The following GPATCH2 variants were observed in gnomAD, a reference collection of about 807,000 sequenced individuals.
GPATCH2 encodes the protein G patch domain-containing protein 2.
GPATCH2 carries 51 observed loss-of-function variants against 58.0 expected under a neutral mutation model. The ratio of observed to expected loss-of-function variants is 0.88; its 90% CI spans 0.70 to 1.11. The LOEUF is 1.11. Among genes scored for constraint, GPATCH2 ranks in the 50% most tolerant of loss-of-function variants. The probability of loss-of-function intolerance (pLI) is 0.00; values close to 1 mark genes in which losing one functional copy is unlikely to be tolerated. For missense variants in GPATCH2, 625 were observed against 652.2 expected (o/e 0.96, Z 0.45); for synonymous variants, 222 against 218.5 (o/e 1.02, Z -0.14).
chr1:217,615,763 G>T (rs1668856349), intron 2 of GPATCH2, among the ~76,000 whole-genome samples: 1 of 152,124 alleles, frequency 6.6e-6, no homozygotes, highest in South Asian at 2.1e-4. Flanking sequence ...TTAAATGAAT[G>T]AATATCCACA....
intron 8 of GPATCH2, among the ~76,000 whole-genome samples, chr1:217,475,154 G>A (rs1034177709): frequency 1.3e-5 from 2 of 152,106 alleles, no homozygotes; most frequent in Non-Finnish European, 2.9e-5. Flanking sequence ...AGAAACAAGA[G>A]AAGGCTCGGC....
intron 8 of GPATCH2, among the ~76,000 whole-genome samples, chr1:217,478,187 C>T (rs895280462): frequency 2.6e-5 from 4 of 152,088 alleles, no homozygotes; most frequent in Non-Finnish European, 5.9e-5. Context: ...AAGATGGGTA[C>T]AAATGAGCCC....
At chr1:217,573,474 T>C (rs1326081375) in intron 5 of GPATCH2, among the ~76,000 whole-genome samples, 2 of 152,230 alleles carry the variant, frequency 1.3e-5, no homozygotes, top group Non-Finnish European at 2.9e-5. Context: ...TTAAGTTGAA[T>C]GTCATCCCCT....
At chr1:217,497,326 A>G (rs1662060372) in intron 7 of GPATCH2, among the ~76,000 whole-genome samples, 1 of 152,208 alleles carries the variant, frequency 6.6e-6, no homozygotes, top group African/African-American at 2.4e-5. Context: ...TTCTGAATTC[A>G]TAGAAATAGT....
intron 8 of GPATCH2, among the ~76,000 whole-genome samples, chr1:217,489,601 G>C (rs1041285635): frequency 4.6e-5 from 7 of 152,198 alleles, no homozygotes; most frequent in African/African-American, 1.7e-4. Context: ...AGTGGCTCAT[G>C]CCTGTAATCC....
rs542217302 is a variant in GPATCH2, at chr1:217,619,847, G to C, written c.709C>G (p.Gln237Glu). Residue 237 changes from glutamine to glutamate, a missense_variant, in exon 2 of 10, where the codon CAG becomes GAG. Transcript: ENST00000366935. ...CATTCCATTTTGTCCTTATTGGTCTGGTTCGTTTCCTCACTTTCTAAAACT... is the reference window on the plus strand; with the variant it reads ...CATTCCATTTTGTCCTTATTGGTCTCGTTCGTTTCCTCACTTTCTAAAACT... Reference protein sequence around the residue: ...GVVLESEETNQTNKDKMECEE... With the variant: ...GVVLESEETNETNKDKMECEE... The C allele has an allele frequency of 1.1e-5, 17 of 1,613,302 alleles. No individual in the cohort carries two copies. Among genetic ancestry groups the C allele is most frequent in the Non-Finnish European group, 1.3e-5 (15 of 1,179,664 alleles).
At chr1:217,548,240 C>T (rs1196477299) in intron 5 of GPATCH2, among the ~76,000 whole-genome samples, 1 of 151,958 alleles carries the variant, frequency 6.6e-6, no homozygotes, top group Non-Finnish European at 1.5e-5. Flanking sequence ...AGAGGAAAAA[C>T]AGACACTGGG....
intron 8 of GPATCH2, among the ~76,000 whole-genome samples, chr1:217,465,984 T>G (rs1196549476): frequency 2.0e-5 from 3 of 152,162 alleles, no homozygotes; most frequent in African/African-American, 4.8e-5. Flanking sequence ...AAGCAACGTT[T>G]TATACAGGCA....
At chr1:217,516,914 A>G (rs920557874) in intron 5 of GPATCH2, among the ~76,000 whole-genome samples, 13 of 152,240 alleles carry the variant, frequency 8.5e-5, no homozygotes, top group African/African-American at 2.9e-4. Context: ...CTGGCTTGAA[A>G]TACATAATCT....
intron 8 of GPATCH2, among the ~76,000 whole-genome samples, chr1:217,468,066 G>T (rs1340586035): frequency 6.6e-6 from 1 of 151,960 alleles, no homozygotes; most frequent in Non-Finnish European, 1.5e-5. Flanking sequence ...TTGAAAACTG[G>T]CATATAATAA....
At chr1:217,482,501 A>C (rs1661257711) in intron 8 of GPATCH2, among the ~76,000 whole-genome samples, 1 of 152,070 alleles carries the variant, frequency 6.6e-6, no homozygotes, top group African/African-American at 2.4e-5. Flanking sequence ...CTGAGATGTG[A>C]GTGTGGATGG....
intron 8 of GPATCH2, among the ~76,000 whole-genome samples, chr1:217,468,515 CCACACA>C (rs10524566): frequency 0.31 from 44,132 of 142,068 alleles, 7,043 homozygotes; most frequent in Admixed American, 0.39. Context: ...GCACACACAA[CCACACA>C]CACACACACA....
At chr1:217,484,634 C>T (rs577872388) in intron 8 of GPATCH2, among the ~76,000 whole-genome samples, 17 of 148,266 alleles carry the variant, frequency 1.1e-4, no homozygotes, top group Non-Finnish European at 2.1e-4. Context: ...CATATGCACA[C>T]GTGTATACAT....
At chr1:217,593,216 A>T (rs1320916556) in intron 5 of GPATCH2, among the ~76,000 whole-genome samples, 1 of 152,006 alleles carries the variant, frequency 6.6e-6, no homozygotes, top group Non-Finnish European at 1.5e-5. Context: ...AAAACATTAG[A>T]CCATAGCAGA....
chr1:217,630,997 G>C lies in GPATCH2; in HGVS notation c.-26C>G, dbSNP rs759681738. Reference sequence around the variant, plus strand: ...TAACGACACCCGGGAGCCTGGCCTCGAAGCTCAGGCCCGTGAACAGACTCC... The same window carrying C: ...TAACGACACCCGGGAGCCTGGCCTCCAAGCTCAGGCCCGTGAACAGACTCC... On this transcript the variant is annotated 5_prime_UTR_variant, in exon 1 of 10. Coordinates refer to ENST00000366935, the MANE Select transcript of GPATCH2 (RefSeq NM_018040.5). 1 of 1,573,822 alleles carries C rather than the reference G, an allele frequency of 6.4e-7. No homozygotes were observed. Among genetic ancestry groups the C allele is most frequent in the East Asian group, 2.3e-5 (1 of 43,472 alleles).
chr1:217,432,587 A>C (rs1273383720), intron 9 of GPATCH2, among the ~76,000 whole-genome samples: 2 of 152,160 alleles, frequency 1.3e-5, no homozygotes, highest in African/African-American at 4.8e-5. Flanking sequence ...TTCCTTCTCT[A>C]GCAGCAGGTA....
At chr1:217,543,608 C>T (rs1360352342) in intron 5 of GPATCH2, among the ~76,000 whole-genome samples, 2 of 152,092 alleles carry the variant, frequency 1.3e-5, no homozygotes, top group African/African-American at 4.8e-5. Flanking sequence ...AGTTTCCCAA[C>T]ATGATTAAAA....
chr1:217,506,793 G>A (rs945733112), intron 6 of GPATCH2, among the ~76,000 whole-genome samples: 3 of 152,132 alleles, frequency 2.0e-5, no homozygotes, highest in Non-Finnish European at 4.4e-5. Flanking sequence ...TTTAGCATAA[G>A]AATCCTTTAG....
chr1:217,484,822 G>T (rs1039066457), intron 8 of GPATCH2, among the ~76,000 whole-genome samples: 117 of 150,934 alleles, frequency 7.8e-4, no homozygotes, highest in African/African-American at 2.7e-3. Flanking sequence ...TGTGTATATA[G>T]ATATATATAT....
Sources: gnomAD v4.1 joint callset for allele counts (sites outside exome capture counted in the v4.1 genomes callset) on GRCh38, gnomAD v4.1.1 for gene constraint, MANE v1.5 for transcripts, NCBI Gene and HGNC (gene_info 2026-07-23, HGNC 2026-07-21) for gene names.